The following PRAMEF20 variants were observed in gnomAD, a reference collection of about 807,000 sequenced individuals.
PRAMEF20 encodes the protein PRAME family member 20, also known as PRAME family member 20/21.
In PRAMEF20, 27 loss-of-function variants were observed where a neutral mutation model predicts 32.4. That is an observed-to-expected ratio of 0.83 (90% CI 0.61 to 1.15). The LOEUF (loss-of-function observed/expected upper bound fraction) is 1.15, where lower values mean the gene tolerates loss of function less well. PRAMEF20 is among the 50% of genes most tolerant of loss of function. The pLI, the probability that PRAMEF20 is intolerant of heterozygous loss-of-function variation, is 0.00. For missense variants in PRAMEF20, 604 were observed against 584.5 expected, an observed-to-expected ratio of 1.03 and a Z score of -0.34; for synonymous variants, 256 against 235.4, an observed-to-expected ratio of 1.09 and a Z score of -0.80.
chr1:13,417,737 T>G (rs1222398544), intron 1 of PRAMEF20, among the ~76,000 whole-genome samples: 2 of 121,836 alleles, frequency 1.6e-5, no homozygotes, highest in Non-Finnish European at 1.9e-5. Context: ...GTGAGTCCTT[T>G]TTTTTTTTTT....
At chr1:13,412,679 G>C (rs1041760706), upstream of PRAMEF20, among the ~76,000 whole-genome samples, 5 of 151,452 alleles carry the variant, frequency 3.3e-5, no homozygotes, top group African/African-American at 1.2e-4. Flanking sequence ...ATCCTATCCA[G>C]TTTTCATGGT....
upstream of PRAMEF20, among the ~76,000 whole-genome samples, chr1:13,413,258 A>G (rs1244725702): frequency 2.0e-5 from 3 of 152,328 alleles, no homozygotes; most frequent in East Asian, 5.8e-4. Context: ...ACTTTCATGG[A>G]TGAATATCTA....
intron 2 of PRAMEF20, 112 bp from the exon 4 acceptor site, chr1:13,420,585 G>T: frequency 7.1e-7 from 1 of 1,413,402 alleles, no homozygotes; most frequent in South Asian, 1.2e-5. Flanking sequence ...CAATCAGAAT[G>T]ACCCTGGGCT....
exon 1 of PRAMEF20, chr1:13,416,481 G>A (rs1304722511): frequency 6.2e-7 from 1 of 1,614,012 alleles, no homozygotes; most frequent in East Asian, 2.2e-5. Context: ...GTTCATGGAG[G>A]CCTTCAGCAG....
chr1:13,420,940 G>A, exon 3 of PRAMEF20: 2 of 1,613,656 alleles, frequency 1.2e-6, no homozygotes. Flanking sequence ...ACGCCATCCT[G>A]CCTGCCCTGA....
upstream of PRAMEF20, among the ~76,000 whole-genome samples, chr1:13,413,350 T>TC (rs1641132105): frequency 6.6e-6 from 1 of 151,776 alleles, no homozygotes; most frequent in South Asian, 2.1e-4. Flanking sequence ...AATGTAGTTT[T>TC]CTTTTTTGTT....
chr1:13,416,830 C>T (rs531765602), intron 1 of PRAMEF20, among the ~76,000 whole-genome samples, 189 bp downstream of exon 2: 4 of 150,372 alleles, frequency 2.7e-5, no homozygotes, highest in East Asian at 2.0e-4. Context: ...CGGGGTCCAC[C>T]GAGGTAACAG....
chr1:13,419,278 T>C (rs2100437623), intron 2 of PRAMEF20, among the ~76,000 whole-genome samples: 2 of 152,186 alleles, frequency 1.3e-5, no homozygotes, highest in South Asian at 4.2e-4. Flanking sequence ...CTCTGCCTCC[T>C]GAGTAGCTGG....
At chr1:13,413,642 GGTGTGAGCCACT>G (rs1242716662), upstream of PRAMEF20, among the ~76,000 whole-genome samples, 5 of 152,136 alleles carry the variant, frequency 3.3e-5, no homozygotes, top group East Asian at 9.6e-4. Flanking sequence ...TGAGATTACA[GGTGTGAGCCACT>G]GTGCCTAGCC....
At chr1:13,416,297 G>T (rs980618078), upstream of PRAMEF20, 29 of 1,612,002 alleles carry the variant, frequency 1.8e-5, no homozygotes, top group Non-Finnish European at 2.4e-5. Context: ...CTTGGCCTGA[G>T]AGTGATGCCT....
exon 2 of PRAMEF20, chr1:13,418,447 G>A: frequency 1.9e-6 from 3 of 1,613,924 alleles, no homozygotes; most frequent in Middle Eastern, 1.7e-4. Flanking sequence ...AGTCAACCTA[G>A]ACTGTATCCA....
chr1:13,415,452 C>T (rs1398048233), upstream of PRAMEF20, among the ~76,000 whole-genome samples: 1 of 152,058 alleles, frequency 6.6e-6, no homozygotes, highest in Non-Finnish European at 1.5e-5. Context: ...TGATCCATAA[C>T]ATTGTCACAT....
At chr1:13,417,987 G>C in intron 1 of PRAMEF20, 135 bp from the exon 3 acceptor site, 1 of 1,288,216 alleles carries the variant, frequency 7.8e-7, no homozygotes, top group South Asian at 1.3e-5. Flanking sequence ...TGCTAGCCAG[G>C]ATGTTCTCGA....
At chr1:13,412,035 TATTTATTTATTTATTTAATTTAATTA>T (rs1290298954), upstream of PRAMEF20, among the ~76,000 whole-genome samples, 12 of 80,300 alleles carry the variant, frequency 1.5e-4, no homozygotes, top group Middle Eastern at 5.6e-3. Context: ...TAATTTATTT[TATTTATTTATTTATTTAATTTAATTA>T]ATTTATTTAT....
At chr1:13,418,148 T>C in exon 2 of PRAMEF20, 5 of 1,612,928 alleles carry the variant, frequency 3.1e-6, no homozygotes, top group Non-Finnish European at 4.2e-6. Context: ...GTGCTGGATT[T>C]ACAGGATGTC....
At chr1:13,418,629 G>C in exon 2 of PRAMEF20, 2 of 1,613,962 alleles carry the variant, frequency 1.2e-6, no homozygotes, top group Non-Finnish European at 1.7e-6. Context: ...AGTTCCTCAA[G>C]CTGCGCTGCC....
upstream of PRAMEF20, chr1:13,416,350 G>A (rs773112784): frequency 6.2e-7 from 1 of 1,609,806 alleles, no homozygotes; most frequent in South Asian, 1.1e-5. Flanking sequence ...TGCAGATTCA[G>A]GAAGATGAGC....
At position 13,417,910 on chromosome 1, in the gene PRAMEF20, T is replaced by TTGTGTGTGTGTGTGTGTGTG. The variant is rs71272484; in HGVS notation, c.288-188_288-169dup. On this transcript the variant is annotated intron_variant, in intron 1 of 2. Coordinates refer to ENST00000602960, the Ensembl canonical transcript of PRAMEF20. ...GCGCCCGCCACCACGCCCGGCTAAT[T>TTGTGTGTGTGTGTGTGTGTG]TGTGTGTGTGTGTGTGTGTGTGTGT... is the stretch of plus-strand genomic sequence containing the variant. Among the ~76,000 whole-genome samples, 443 of 124,240 alleles carry TTGTGTGTGTGTGTGTGTGTG rather than the reference T, an allele frequency of 3.6e-3. 3 individuals carry two copies. The highest frequency in any genetic ancestry group is 0.021 in the Middle Eastern group (5 of 240). The allele number at this position is 124,240 out of a possible 152,430, so 81.5% of individuals were successfully genotyped here.
chr1:13,415,257 T>C (rs1199888619), upstream of PRAMEF20, among the ~76,000 whole-genome samples: 1 of 152,066 alleles, frequency 6.6e-6, no homozygotes, highest in Non-Finnish European at 1.5e-5. Flanking sequence ...TTTTTTTGTA[T>C]TTTTAGTACA....
Sources: gnomAD v4.1 joint callset for allele counts (sites outside exome capture counted in the v4.1 genomes callset) on GRCh38, gnomAD v4.1.1 for gene constraint, MANE v1.5 for transcripts, NCBI Gene and HGNC (gene_info 2026-07-23, HGNC 2026-07-21) for gene names.